The following PPM1L variants were observed in gnomAD, a reference collection of about 807,000 sequenced individuals.
PPM1L encodes the protein protein phosphatase, Mg2+/Mn2+ dependent 1L, also known as protein phosphatase 1L.
A neutral mutation model predicts 31.4 loss-of-function variants in PPM1L; 13 were observed. The ratio of observed to expected loss-of-function variants is 0.41; its 90% confidence interval spans 0.27 to 0.66. The LOEUF (loss-of-function observed/expected upper bound fraction) is 0.66, where lower values mean the gene tolerates loss of function less well. PPM1L is among the 30% of genes least tolerant of loss of function. The pLI is 0.29. For missense variants in PPM1L, 326 were observed against 453.7 expected, an observed-to-expected ratio of 0.72 and a Z score of 2.56; for synonymous variants, 184 against 175.4, an observed-to-expected ratio of 1.05 and a Z score of -0.39.
At chr3:160,791,888 G>T (rs999209430) in intron 1 of PPM1L, among the ~76,000 whole-genome samples, 2 of 152,000 alleles carry the variant, frequency 1.3e-5, no homozygotes, top group East Asian at 3.9e-4. Flanking sequence ...GGTGACATGA[G>T]TTTTTTTTAT....
intron 2 of PPM1L, among the ~76,000 whole-genome samples, chr3:160,968,735 GAGCGGA>G (rs1225606861): frequency 6.6e-6 from 1 of 152,194 alleles, no homozygotes; most frequent in Non-Finnish European, 1.5e-5. Flanking sequence ...TAAGCCATGG[GAGCGGA>G]AGTCTGGAAA....
chr3:160,759,246 G>A (rs892476526), intron 1 of PPM1L, among the ~76,000 whole-genome samples: 6 of 152,140 alleles, frequency 3.9e-5, no homozygotes, highest in African/African-American at 1.4e-4. Flanking sequence ...CTAGAATGGT[G>A]CAGACGATAA....
At chr3:160,773,705 TC>T (rs748076077) in intron 1 of PPM1L, among the ~76,000 whole-genome samples, 2 of 152,188 alleles carry the variant, frequency 1.3e-5, no homozygotes, top group Non-Finnish European at 2.9e-5. Context: ...TTACCTCATT[TC>T]CTTTTTCCAT....
chr3:160,908,177 G>A (rs1048705637), intron 1 of PPM1L, among the ~76,000 whole-genome samples: 12 of 152,116 alleles, frequency 7.9e-5, no homozygotes, highest in Admixed American at 7.2e-4. Context: ...TACTCAAATG[G>A]CCCCATAATG....
At chr3:160,762,805 A>G (rs1476324968) in intron 1 of PPM1L, among the ~76,000 whole-genome samples, 2 of 152,206 alleles carry the variant, frequency 1.3e-5, no homozygotes, top group Non-Finnish European at 1.5e-5. Context: ...GAAGGCAGGT[A>G]GTCTTATTTG....
chr3:160,861,962 T>C (rs184456335), intron 1 of PPM1L, among the ~76,000 whole-genome samples: 146 of 152,308 alleles, frequency 9.6e-4, no homozygotes, highest in African/African-American at 3.1e-3. Flanking sequence ...ACCTAATACA[T>C]TGGGACCACC....
intron 1 of PPM1L, among the ~76,000 whole-genome samples, chr3:160,862,662 G>GCGCACACACACA (rs1553814126): frequency 2.4e-5 from 3 of 127,194 alleles, no homozygotes; most frequent in African/African-American, 7.0e-5. Context: ...CTAGGCACAC[G>GCGCACACACACA]CACACACACA....
At chr3:160,961,188 G>A in intron 1 of PPM1L, among the ~76,000 whole-genome samples, 1 of 152,030 alleles carries the variant, frequency 6.6e-6, no homozygotes, top group Non-Finnish European at 1.5e-5. Flanking sequence ...CAGGTTAAGG[G>A]GCATTGTCTT....
intron 1 of PPM1L, among the ~76,000 whole-genome samples, chr3:160,813,875 G>A (rs905454615): frequency 7.9e-5 from 12 of 152,064 alleles, no homozygotes; most frequent in Admixed American, 7.2e-4. Context: ...TTCTGCATAC[G>A]TTTTACATCT....
chr3:161,034,012 C>T (rs1718659749), intron 2 of PPM1L, among the ~76,000 whole-genome samples: 1 of 152,034 alleles, frequency 6.6e-6, no homozygotes, highest in South Asian at 2.1e-4. Flanking sequence ...AGCAAACAAC[C>T]CCATCAAAAA....
chr3:160,895,384 T>TG (rs1171539680), intron 1 of PPM1L, among the ~76,000 whole-genome samples: 3 of 151,560 alleles, frequency 2.0e-5, no homozygotes, highest in Admixed American at 6.6e-5. Context: ...GGCTAATTTT[T>TG]TTTGTTTGTT....
chr3:160,903,450 TAA>T (rs1275917805), intron 1 of PPM1L, among the ~76,000 whole-genome samples: 3 of 152,126 alleles, frequency 2.0e-5, no homozygotes, highest in Admixed American at 1.3e-4. Context: ...TGGAAAGTAA[TAA>T]CTTTTACTTA....
intron 1 of PPM1L, among the ~76,000 whole-genome samples, chr3:160,903,183 GTGTGTGTGTGGTATGTGTGTATGTT>G (rs1713608943): frequency 7.1e-6 from 1 of 139,930 alleles, no homozygotes; most frequent in African/African-American, 2.9e-5. Context: ...GTGTGTGTGT[GTGTGTGTGTGGTATGTGTGTATGTT>G]TGTGTGTGTG....
chr3:160,918,204 G>A (rs775778139), intron 1 of PPM1L, among the ~76,000 whole-genome samples: 24 of 152,290 alleles, frequency 1.6e-4, no homozygotes, highest in Middle Eastern at 3.4e-3. Context: ...TTTCCGATGA[G>A]ACTGAAAGCT....
At chr3:161,055,540 T>C (rs1719388027) in intron 2 of PPM1L, among the ~76,000 whole-genome samples, 1 of 152,176 alleles carries the variant, frequency 6.6e-6, no homozygotes. Context: ...TGCCCTGAAA[T>C]TGTGTTATTG....
intron 1 of PPM1L, among the ~76,000 whole-genome samples, chr3:160,920,662 CACACAT>C (rs200929559): frequency 0.013 from 1,816 of 143,156 alleles, 33 homozygotes; most frequent in South Asian, 0.04. Flanking sequence ...CACACACACA[CACACAT>C]ATTAAAGATC....
intron 1 of PPM1L, among the ~76,000 whole-genome samples, chr3:160,852,982 T>C (rs1711570134): frequency 6.6e-6 from 1 of 152,106 alleles, no homozygotes; most frequent in Admixed American, 6.5e-5. Context: ...ATTTCAAAAA[T>C]CAAGGTGTCG....
rs1254107158 is a variant in PPM1L at position 161,075,874 on chromosome 3, G to C, written c.*6717G>C. 1 of 152,106 alleles carries C rather than the reference G, an allele frequency of 6.6e-6. No individual in the cohort carries two copies. The highest frequency in any genetic ancestry group is 2.4e-5 in the African/African-American group (1 of 41,418). The allele number at this position is 152,106 out of a possible 1,614,324, so 9.4% of individuals were successfully genotyped here. A position where few individuals can be genotyped will look rare whatever the true frequency, so the allele number is the denominator to read the frequency against. On this transcript the variant is annotated 3_prime_UTR_variant, in exon 4 of 4. Transcript: ENST00000498165. ...TTTTCTGATGAAAATGGATACATGA[G>C]ATCTCATTTATTGCTCTCCTCAACA...
At chr3:161,035,291 C>T (rs958982001) in intron 2 of PPM1L, among the ~76,000 whole-genome samples, 13 of 151,470 alleles carry the variant, frequency 8.6e-5, no homozygotes, top group Non-Finnish European at 1.5e-5. Flanking sequence ...GTAACCCAAA[C>T]GGAAAGAAGT....
Sources: allele counts gnomAD v4.1 joint callset (sites outside exome capture counted in the v4.1 genomes callset), GRCh38; gene constraint gnomAD v4.1.1; transcripts MANE v1.5; gene names NCBI Gene and HGNC (gene_info 2026-07-23, HGNC 2026-07-21).